The following LTBP4 variants were observed in gnomAD, a reference collection of about 807,000 sequenced individuals.
LTBP4 encodes the protein latent-transforming growth factor beta-binding protein 4.
LTBP4 carries 93 observed loss-of-function variants against 180.2 expected under a neutral mutation model. That is an observed-to-expected ratio of 0.52 (90% CI 0.44 to 0.61). The LOEUF is 0.61. Ranked by LOEUF, LTBP4 falls within the 20% of genes least tolerant of loss-of-function variation. The probability of loss-of-function intolerance (pLI) is 0.00; values close to 1 mark genes in which losing one functional copy is unlikely to be tolerated. For synonymous variants in LTBP4, 947 were observed against 934.5 expected (o/e 1.01, Z -0.24); for missense variants, 2,116 against 2,256.5 (o/e 0.94, Z 1.26).
upstream of LTBP4, chr19:40,601,305 T>A: frequency 1.1e-6 from 1 of 944,312 alleles, no homozygotes; most frequent in Non-Finnish European, 1.3e-6. Flanking sequence ...GCGGGCGACC[T>A]CCCCCGCGGG....
At position 40,613,805 on chromosome 19, in the gene LTBP4, T is replaced by G. The variant is rs1599868828; in HGVS notation, c.2558-111T>G. ...AGGGAGGGAAGTAGCGTGAGGCAGG[T>G]TGGGGAAGGCGTGAGAGGCCTAGGA... On this transcript the variant is annotated intron_variant, in intron 17 of 29. Coordinates refer to ENST00000396819, the MANE Select transcript of LTBP4 (RefSeq NM_001042545.2). This position sits in a 1 kb window ranked among gnomAD's most constrained non-coding sequence, Gnocchi z 5.0. The G allele has an allele frequency of 1.3e-6, 2 of 1,491,098 alleles. No individual in the cohort carries two copies. Among genetic ancestry groups the G allele is most frequent in the Non-Finnish European group, 1.8e-6 (2 of 1,091,472 alleles). The allele number at this position is 1,491,098 out of a possible 1,614,324, so 92.4% of individuals were successfully genotyped here. A position where few individuals can be genotyped will look rare whatever the true frequency, so the allele number is the denominator to read the frequency against.
intron 1 of LTBP4, among the ~76,000 whole-genome samples, chr19:40,603,004 T>TCATG (rs2081435058): frequency 1.3e-5 from 2 of 151,792 alleles, no homozygotes; most frequent in Admixed American, 6.6e-5. Flanking sequence ...CACCCTGGAG[T>TCATG]CATGGCCCCA....
chr19:40,626,824 C>A, intron 27 of LTBP4, 151 bp from the exon 28 acceptor site: 1 of 935,294 alleles, frequency 1.1e-6, no homozygotes, highest in Non-Finnish European at 1.5e-6. Flanking sequence ...CCAGTCTCAG[C>A]CTTCAGATTC....
At chr19:40,628,688 T>C (rs2081655027) in intron 29 of LTBP4, among the ~76,000 whole-genome samples, 1 of 152,128 alleles carries the variant, frequency 6.6e-6, no homozygotes, top group South Asian at 2.1e-4. Context: ...TGATTTACAA[T>C]AACATTGAGA....
In LTBP4 at chr19:40,623,659, G is replaced by C; in HGVS notation, c.3612G>C (p.Val1204=). ...RDQVCKSGVC[V]NTAPGYSCYC... ...AGGTGTGCAAGAGTGGCGTGTGTGT[G>C]AACACGGCCCCGGGCTACTCATGCT... Residue 1204 remains valine, a synonymous_variant, in exon 25 of 30, where the codon GTG becomes GTC. Coordinates refer to ENST00000396819, the MANE Select transcript of LTBP4 (RefSeq NM_001042545.2). 1.2e-6 allele frequency: 2 copies of C among 1,613,798 alleles called. No homozygotes were observed. Among genetic ancestry groups the C allele is most frequent in the Non-Finnish European group, 1.7e-6 (2 of 1,179,874 alleles).
chr19:40,610,562 C>G lies in LTBP4; in HGVS notation c.1715C>G (p.Pro572Arg). ...GACGAGTGCCACCGCGTGCCGCCGC[C>G]GTGTGACCTCGGGCGCTGCGAGAAC... ...DVDECHRVPP[P>R]CDLGRCENTP... The change falls in exon 12 of 30, where the codon CCG (proline) becomes CGG (arginine). Residue 572 changes from proline to arginine, a missense_variant. By Grantham distance (103) the Pro-to-Arg change is moderately radical. Coordinates refer to ENST00000396819, the MANE Select transcript of LTBP4 (RefSeq NM_001042545.2). The G allele has an allele frequency of 6.3e-7, 1 of 1,593,844 alleles. No homozygotes were observed. The highest frequency in any genetic ancestry group is 1.3e-5 in the African/African-American group (1 of 74,956).
In LTBP4 at chr19:40,614,082, C is replaced by T. The variant is rs185593914; in HGVS notation, c.2680+44C>T. ...GCCTGATCCCTCCTCCCTTCGACTC[C>T]CCGACTCGCCGATTGGCCTCCCACC... On this transcript the variant is annotated intron_variant, in intron 18 of 29. Transcript: ENST00000396819. 1.1e-3 allele frequency: 1,810 copies of T among 1,603,548 alleles called. 2 individuals are homozygous for T. Among genetic ancestry groups the T allele is most frequent in the Non-Finnish European group, 1.4e-3 (1,643 of 1,175,794 alleles).
intron 4 of LTBP4, 63 bp from the exon 5 acceptor site, chr19:40,606,170 T>A: frequency 7.1e-7 from 1 of 1,415,394 alleles, no homozygotes; most frequent in Non-Finnish European, 9.8e-7. Flanking sequence ...CGTCTTCGTC[T>A]CTGCCCACTC....
rs777419847 is a variant in LTBP4, at chr19:40,605,269, C to T, written c.442+43C>T. ...AGAGTCCCCTCCGACCCCTGTCAAG[C>T]ATTTCACTTTGCCCCTGACCCTCAT... On this transcript the variant is annotated intron_variant, in intron 2 of 29. Transcript: ENST00000396819. This position sits in a 1 kb window ranked among gnomAD's most constrained non-coding sequence, Gnocchi z 5.5. The T allele has an allele frequency of 6.4e-7, 1 of 1,560,446 alleles. No homozygotes were observed. Among genetic ancestry groups the T allele is most frequent in the South Asian group, 1.2e-5 (1 of 86,080 alleles).
In LTBP4 at chr19:40,605,475, G is replaced by T; in HGVS notation, c.513G>T (p.Glu171Asp). The change falls in exon 3 of 30, where the codon GAG becomes GAT. Residue 171 changes from glutamate to aspartate, a missense_variant. Physicochemically the swap from Glu to Asp is conservative, Grantham distance 45. Coordinates refer to ENST00000396819, the MANE Select transcript of LTBP4 (RefSeq NM_001042545.2). This position sits in a 1 kb window ranked among gnomAD's most constrained non-coding sequence, Gnocchi z 5.5. ...QEASVVVHQV[E>D]RVSGPWEEAD... is the part of the protein sequence containing the mutation. The stretch of plus-strand genomic sequence containing the variant: ...CGTCGGTGGTGGTGCACCAGGTGGA[G>T]CGTGTGTCTGGCCCTTGGGAGGAGG... 1 of 1,612,372 alleles carries T rather than the reference G, an allele frequency of 6.2e-7. No individual in the cohort carries two copies. Among genetic ancestry groups the T allele is most frequent in the Non-Finnish European group, 8.5e-7 (1 of 1,179,844 alleles).
chr19:40,597,393 C>A (rs1298220376), upstream of LTBP4: 1 of 1,504,974 alleles, frequency 6.6e-7, no homozygotes, highest in Non-Finnish European at 8.8e-7. Flanking sequence ...AAGCCCCCTG[C>A]TTCCTTGTGC....
In LTBP4 at chr19:40,609,657, C is replaced by T. The variant is rs2081489769; in HGVS notation, c.1554C>T (p.Cys518=). 2 of 1,613,198 alleles carry T rather than the reference C, an allele frequency of 1.2e-6. No homozygotes were observed. The highest frequency in any genetic ancestry group is 1.7e-6 in the Non-Finnish European group (2 of 1,179,734). Residue 518 remains cysteine (C), a synonymous_variant, in exon 10 of 30, where the codon TGC becomes TGT. Transcript: ENST00000396819. The surrounding 1 kb of genome is among the most constrained non-coding windows in gnomAD (Gnocchi z 4.9). ...GGCTCAGCCCCCAGGGCACCCGATG[C>T]ATTGGTGAGCAAGACGGAGGGCGCG... ...GFRLSPQGTR[C]IDVDECRRVP...
chr19:40,610,407 C>T, intron 11 of LTBP4, 125 bp from the exon 12 acceptor site: 1 of 1,173,274 alleles, frequency 8.5e-7, no homozygotes, highest in South Asian at 1.5e-5. Flanking sequence ...CTGTCCTGGC[C>T]GGGTCCCCAT....
chr19:40,623,598 G>T lies in LTBP4; in HGVS notation c.3557-6G>T, dbSNP rs750107578. On this transcript the variant is annotated splice_region_variant and splice_polypyrimidine_tract_variant and intron_variant, in intron 24 of 29. Transcript: ENST00000396819. ...GCCCCCATCTCTCTCTCTGCTTTTC[G>T]CACAGACGTGGACGAATGTCAGCTC... 2 of 1,610,886 alleles carry T rather than the reference G, an allele frequency of 1.2e-6. No individual in the cohort carries two copies. Among genetic ancestry groups the T allele is most frequent in the Non-Finnish European group, 1.7e-6 (2 of 1,178,308 alleles).
chr19:40,617,579 G>A (rs1183226419), intron 21 of LTBP4, among the ~76,000 whole-genome samples: 3 of 151,394 alleles, frequency 2.0e-5, no homozygotes, highest in African/African-American at 7.3e-5. Flanking sequence ...AAGAGGTGGA[G>A]GTTGCAGTGA....
chr19:40,596,186 C>T (rs2081389528), intron 1 of LTBP4, among the ~76,000 whole-genome samples: 1 of 152,094 alleles, frequency 6.6e-6, no homozygotes, highest in South Asian at 2.1e-4. Flanking sequence ...TCCCAAAGTG[C>T]TGGGATTACA....
At chr19:40,616,441 A>G (rs1217092664) in intron 19 of LTBP4, among the ~76,000 whole-genome samples, 8 of 152,070 alleles carry the variant, frequency 5.3e-5, no homozygotes, top group Admixed American at 3.9e-4. Context: ...AGAAAAAAAA[A>G]AAAGATAGTG....
At chr19:40,619,626 G>A (rs1257703092) in intron 22 of LTBP4, 133 bp downstream of exon 22, 3 of 989,314 alleles carry the variant, frequency 3.0e-6, no homozygotes, top group Non-Finnish European at 4.3e-6. Context: ...AGACACATAA[G>A]TTAACATGGG....
upstream of LTBP4, chr19:40,597,121 G>A: frequency 3.8e-6 from 4 of 1,039,264 alleles, no homozygotes; most frequent in Non-Finnish European, 5.0e-6. Flanking sequence ...CTGGACTGTG[G>A]AGAAAGTGAG....
Sources: allele counts gnomAD v4.1 joint callset (sites outside exome capture counted in the v4.1 genomes callset), GRCh38; gene constraint gnomAD v4.1.1; non-coding constraint Gnocchi (gnomAD v3.1); transcripts MANE v1.5; gene names NCBI Gene and HGNC (gene_info 2026-07-23, HGNC 2026-07-21).